AFF1: variants seen among roughly 807,000 people sequenced by gnomAD.
The protein encoded by AFF1 is AF4/FMR2 family member 1.
A neutral mutation model predicts 121.7 loss-of-function variants in AFF1; 48 were observed. The observed-to-expected ratio is 0.39, with a 90% CI of 0.31 to 0.50. The LOEUF (loss-of-function observed/expected upper bound fraction) is 0.50, where lower values mean the gene tolerates loss of function less well. AFF1 is among the 20% of genes least tolerant of loss of function. The probability of loss-of-function intolerance (pLI) is 0.76; values close to 1 mark genes in which losing one functional copy is unlikely to be tolerated. For synonymous variants in AFF1, 613 were observed against 563.0 expected (o/e 1.09, Z -1.26); for missense variants, 1,523 against 1,511.7 (o/e 1.01, Z -0.12).
At chr4:86,967,055 T>C (rs1004215824) in intron 2 of AFF1, among the ~76,000 whole-genome samples, 2 of 152,256 alleles carry the variant, frequency 1.3e-5, no homozygotes, top group Non-Finnish European at 2.9e-5. Flanking sequence ...CCTTGGCATA[T>C]ACTATTCCTT....
chr4:87,054,896 C>T (rs1356029796), intron 4 of AFF1, among the ~76,000 whole-genome samples: 1 of 152,200 alleles, frequency 6.6e-6, no homozygotes, highest in Non-Finnish European at 1.5e-5. Flanking sequence ...CTTTCTTTCT[C>T]CCTACCGCCC....
chr4:86,947,344 A>G (rs967925529), intron 1 of AFF1, among the ~76,000 whole-genome samples: 13 of 152,348 alleles, frequency 8.5e-5, no homozygotes, highest in African/African-American at 3.1e-4. Flanking sequence ...TGTAGTTAGC[A>G]AGTCAGCAAT....
At chr4:87,090,124 G>C in intron 6 of AFF1, 54 bp downstream of exon 6, 3 of 1,414,714 alleles carry the variant, frequency 2.1e-6, no homozygotes, top group Non-Finnish European at 3.0e-6. Flanking sequence ...AAAAGCGTAA[G>C]GCATTGCTGT....
At chr4:87,024,687 T>C (rs1431338113) in intron 2 of AFF1, among the ~76,000 whole-genome samples, 4 of 151,992 alleles carry the variant, frequency 2.6e-5, no homozygotes, top group Non-Finnish European at 5.9e-5. Flanking sequence ...GCCTCCTGGG[T>C]TCAAGCAATT....
chr4:87,091,858 T>C (rs1353078460), intron 7 of AFF1, 29 bp downstream of exon 7: 11 of 1,524,522 alleles, frequency 7.2e-6, no homozygotes, highest in East Asian at 2.3e-5. Context: ...GCTTATTGGA[T>C]TGGAGAACAA....
At position 87,007,019 on chromosome 4, in the gene AFF1, G is replaced by A. The variant is rs959293217; in HGVS notation, c.39-39147G>A. The A allele has an allele frequency of 7.0e-6, 8 of 1,135,728 alleles. No homozygotes were observed. The Admixed American group carries it at 1.4e-4, about 20-fold the overall frequency. The allele number at this position is 1,135,728 out of a possible 1,614,324, so 70.4% of individuals were successfully genotyped here. ...TTCTTTTCCTTTCTAACTGTGGCCC[G>A]CGTTGTGCTGTTGCTGGGCAGGCGT... On this transcript the variant is annotated intron_variant, in intron 2 of 20. Coordinates refer to ENST00000395146, the MANE Select transcript of AFF1 (RefSeq NM_001166693.3).
chr4:86,994,651 C>T (rs1468051769), intron 2 of AFF1, among the ~76,000 whole-genome samples: 1 of 152,144 alleles, frequency 6.6e-6, no homozygotes, highest in Non-Finnish European at 1.5e-5. Context: ...ACTTGATATG[C>T]ATGAGAACTA....
intron 4 of AFF1, 63 bp downstream of exon 4, chr4:87,047,657 C>T (rs770706402): frequency 9.3e-6 from 15 of 1,605,514 alleles, no homozygotes; most frequent in East Asian, 4.5e-5. Flanking sequence ...TGAAAATGTC[C>T]GGAGGATGTG....
intron 10 of AFF1, among the ~76,000 whole-genome samples, chr4:87,107,476 C>A (rs374104590): frequency 2.0e-5 from 3 of 152,282 alleles, no homozygotes; most frequent in Middle Eastern, 3.4e-3. Context: ...AAGCCACTTA[C>A]GAAGAATGGT....
At chr4:87,017,062 CAT>C (rs35857395) in intron 2 of AFF1, among the ~76,000 whole-genome samples, 62,504 of 145,640 alleles carry the variant, frequency 0.43, 15,931 homozygotes, top group South Asian at 0.65. Flanking sequence ...AGACTTTGGA[CAT>C]ATATATATGT....
At chr4:87,076,133 A>G (rs1217336362) in intron 4 of AFF1, among the ~76,000 whole-genome samples, 1 of 152,116 alleles carries the variant, frequency 6.6e-6, no homozygotes, top group Non-Finnish European at 1.5e-5. Flanking sequence ...AGTGGTTGTG[A>G]TGCACTACCC....
At chr4:87,065,163 G>A (rs1721211790) in intron 4 of AFF1, among the ~76,000 whole-genome samples, 1 of 152,224 alleles carries the variant, frequency 6.6e-6, no homozygotes, top group Non-Finnish European at 1.5e-5. Flanking sequence ...AAGAGGTTTA[G>A]TGGAGAACTC....
chr4:87,105,285 T>A (rs1474835670), intron 8 of AFF1, among the ~76,000 whole-genome samples: 1 of 152,194 alleles, frequency 6.6e-6, no homozygotes, highest in Non-Finnish European at 1.5e-5. Context: ...CTTCACTGAT[T>A]AGGAGTGAAG....
intron 2 of AFF1, among the ~76,000 whole-genome samples, chr4:87,000,605 CTGTGTGTGTGTGTGTGTG>C (rs57615388): frequency 0.045 from 6,531 of 146,474 alleles, 462 homozygotes; most frequent in African/African-American, 0.15. Flanking sequence ...AAAATAAACT[CTGTGTGTGTGTGTGTGTG>C]TGTGTGTGTG....
chr4:87,049,046 T>C (rs1316568497), intron 4 of AFF1, among the ~76,000 whole-genome samples: 1 of 140,228 alleles, frequency 7.1e-6, no homozygotes, highest in African/African-American at 2.6e-5. Context: ...CTTTCTTTCT[T>C]TATCAAATAG....
chr4:87,062,228 G>A (rs760250342), intron 4 of AFF1, among the ~76,000 whole-genome samples: 7 of 152,178 alleles, frequency 4.6e-5, no homozygotes, highest in East Asian at 3.8e-4. Context: ...AGATTGGGAC[G>A]TCCAAGATCA....
rs365022 is a variant in AFF1, at chr4:87,122,842, A to G, written c.2467-2195A>G. 2.7e-5 allele frequency among the ~76,000 whole-genome samples: 4 copies of G among 150,206 alleles called. No individual in the cohort carries two copies. In the East Asian group the frequency reaches 7.9e-4, roughly 29 times the overall value. ...ATGTAATTTAAACTTTTCTAATACC[A>G]CATTAAAAACTATAAAAGGGGAGGA... On this transcript the variant is annotated intron_variant, in intron 12 of 20. Transcript: ENST00000395146.
At chr4:87,037,807 T>C (rs1344395319) in intron 2 of AFF1, among the ~76,000 whole-genome samples, 1 of 152,114 alleles carries the variant, frequency 6.6e-6, no homozygotes, top group African/African-American at 2.4e-5. Context: ...GCATTTAAGA[T>C]ATGCAAAATA....
intron 8 of AFF1, among the ~76,000 whole-genome samples, chr4:87,098,127 A>G (rs1344894572): frequency 6.6e-6 from 1 of 152,230 alleles, no homozygotes; most frequent in Non-Finnish European, 1.5e-5. Context: ...AATAGGACAT[A>G]TAAGAGTATA....
Sources: gnomAD v4.1 joint callset for allele counts (sites outside exome capture counted in the v4.1 genomes callset) on GRCh38, gnomAD v4.1.1 for gene constraint, MANE v1.5 for transcripts, NCBI Gene and HGNC (gene_info 2026-07-23, HGNC 2026-07-21) for gene names.